CCL17: variants seen among roughly 807,000 people sequenced by gnomAD.
CCL17 encodes C-C motif chemokine ligand 17, also known as C-C motif chemokine 17.
A neutral mutation model predicts 7.4 loss-of-function variants in CCL17; 8 were observed. That is an observed-to-expected ratio of 1.09 (90% CI 0.64 to 1.96). CCL17 has a LOEUF of 1.96. CCL17 is among the 30% of genes most tolerant of loss of function. CCL17 has a pLI of 0.00. For synonymous variants in CCL17, 40 were observed against 46.1 expected, an observed-to-expected ratio of 0.87 and a Z score of 0.54; for missense variants, 102 against 113.0, an observed-to-expected ratio of 0.90 and a Z score of 0.44.
chr16:57,408,263 C>T (rs1456124241), intron 1 of CCL17, among the ~76,000 whole-genome samples: 1 of 151,938 alleles, frequency 6.6e-6, no homozygotes, highest in Non-Finnish European at 1.5e-5. Context: ...CATCCACCTT[C>T]CAGCCACTCA....
chr16:57,414,950 A>T, intron 2 of CCL17, 131 bp from the exon 3 acceptor site: 1 of 707,392 alleles, frequency 1.4e-6, no homozygotes. Flanking sequence ...GCAGTGATAC[A>T]CATGCAGTCA....
chr16:57,400,952 G>C (rs1902583192), upstream of CCL17, among the ~76,000 whole-genome samples: 2 of 151,072 alleles, frequency 1.3e-5, no homozygotes, highest in African/African-American at 4.9e-5. Flanking sequence ...TGGGTGACAA[G>C]AGCGAGACCC....
intron 1 of CCL17, among the ~76,000 whole-genome samples, chr16:57,411,028 CT>C (rs1902776421): frequency 1.3e-5 from 2 of 152,344 alleles, no homozygotes; most frequent in Admixed American, 6.5e-5. Flanking sequence ...ATTCCCCTCT[CT>C]GCACCTTTGC....
chr16:57,400,352 C>A (rs535391180), upstream of CCL17, among the ~76,000 whole-genome samples: 18 of 151,784 alleles, frequency 1.2e-4, no homozygotes, highest in African/African-American at 4.1e-4. Flanking sequence ...GAGCGAGACT[C>A]CGTCTCAAAA....
At chr16:57,401,540 GA>G (rs1404942961), upstream of CCL17, among the ~76,000 whole-genome samples, 4 of 149,120 alleles carry the variant, frequency 2.7e-5, no homozygotes, top group African/African-American at 4.9e-5. Flanking sequence ...AAAAAAAAAA[GA>G]AAAAAAGAAA....
At chr16:57,407,838 A>G (rs547182988) in intron 1 of CCL17, among the ~76,000 whole-genome samples, 1 of 151,420 alleles carries the variant, frequency 6.6e-6, no homozygotes, top group African/African-American at 2.4e-5. Flanking sequence ...TCATTCATTC[A>G]TCTACCCATC....
chr16:57,411,782 G>C (rs1197136228), intron 1 of CCL17, among the ~76,000 whole-genome samples: 5 of 152,242 alleles, frequency 3.3e-5, no homozygotes, highest in Admixed American at 3.3e-4. Context: ...CTGTCTCCAG[G>C]TCAGGGCTGC....
At chr16:57,403,522 ATATGTT>A (rs1902640959), upstream of CCL17, among the ~76,000 whole-genome samples, 4 of 31,366 alleles carry the variant, frequency 1.3e-4, no homozygotes, top group African/African-American at 7.6e-4. Flanking sequence ...TATATTATAT[ATATGTT>A]ATATATATTA....
rs1206321544 is a variant in CCL17 at position 57,404,855 on chromosome 16, T to C, written c.-60+19T>C. On this transcript the variant is annotated intron_variant, in intron 1 of 3. Coordinates refer to ENST00000219244, the MANE Select transcript of CCL17 (RefSeq NM_002987.3). ...AAACCAGGTGACCTGACCTAGAGTCTTTGCTCCTAACCCCTCCACTGTGAG... is the reference window on the plus strand; with the variant it reads ...AAACCAGGTGACCTGACCTAGAGTCCTTGCTCCTAACCCCTCCACTGTGAG... The C allele has an allele frequency of 2.6e-5, 4 of 154,354 alleles. No homozygotes were observed. Among genetic ancestry groups the C allele is most frequent in the East Asian group, 3.9e-4 (2 of 5,190 alleles). The allele number at this position is 154,354 out of a possible 1,614,324, so 9.6% of individuals were successfully genotyped here.
upstream of CCL17, among the ~76,000 whole-genome samples, chr16:57,403,563 A>ATATATTTATAATATATATT (rs1265164265): frequency 0.049 from 2,056 of 42,368 alleles, 181 homozygotes; most frequent in African/African-American, 0.14. Context: ...ATATATATAT[A>ATATATTTATAATATATATT]ATATATATTT....
intron 1 of CCL17, 28 bp from the exon 2 acceptor site, chr16:57,413,846 G>T: frequency 8.3e-7 from 1 of 1,198,502 alleles, no homozygotes; most frequent in Non-Finnish European, 1.2e-6. Flanking sequence ...AGGTTAAATA[G>T]GTCACTGCCA....
intron 1 of CCL17, among the ~76,000 whole-genome samples, chr16:57,405,743 T>G (rs1902684490): frequency 6.6e-6 from 1 of 151,244 alleles, no homozygotes; most frequent in Non-Finnish European, 1.5e-5. Flanking sequence ...ATTTAAGAAG[T>G]ATTTATCAGG....
At chr16:57,414,689 G>A (rs1004573713) in intron 2 of CCL17, among the ~76,000 whole-genome samples, 4 of 152,030 alleles carry the variant, frequency 2.6e-5, no homozygotes, top group Non-Finnish European at 2.9e-5. Context: ...GAGCCACGGC[G>A]CCCAGACTGA....
chr16:57,414,666 G>A (rs1902839332), intron 2 of CCL17, among the ~76,000 whole-genome samples: 1 of 151,900 alleles, frequency 6.6e-6, no homozygotes, highest in Non-Finnish European at 1.5e-5. Flanking sequence ...CAAAGTGCTG[G>A]GATTACAGGC....
At chr16:57,413,603 C>T (rs1272862825) in intron 1 of CCL17, among the ~76,000 whole-genome samples, 1 of 152,194 alleles carries the variant, frequency 6.6e-6, no homozygotes, top group Non-Finnish European at 1.5e-5. Context: ...GGAGGCTTTT[C>T]AATTCTAATA....
At position 57,414,410 on chromosome 16, in the gene CCL17, CTTTT is replaced by C. The variant is rs71152269; in HGVS notation, c.70+431_70+434del. Among the ~76,000 whole-genome samples the C allele has an allele frequency of 6.6e-5, 5 of 75,994 alleles. 1 individual carries two copies. In the South Asian group the frequency reaches 1.9e-3, roughly 29 times the overall value. 49.9% of individuals were successfully genotyped at this position (75,994 alleles called of 152,430 possible). ...TTCCAAGAGCATGTAAAAAAGGATT[CTTTT>C]TTTTTTTTTTTTTTTTTTTTTTGAG... is the stretch of plus-strand genomic sequence containing the variant. On this transcript the variant is annotated intron_variant, in intron 2 of 3. Transcript: ENST00000219244.
At chr16:57,401,773 C>A (rs556463149), upstream of CCL17, among the ~76,000 whole-genome samples, 2 of 152,052 alleles carry the variant, frequency 1.3e-5, no homozygotes, top group African/African-American at 4.8e-5. Flanking sequence ...CTACCCAGGC[C>A]CCACTCCTTT....
rs531751640 is a variant in CCL17 at position 57,415,974 on chromosome 16, C to T, written c.*113C>T. The T allele has an allele frequency of 3.6e-5, 24 of 670,340 alleles. No individual in the cohort carries two copies. The African/African-American group carries it at 3.6e-4, about 10-fold the overall frequency. The allele number at this position is 670,340 out of a possible 1,614,324, so 41.5% of individuals were successfully genotyped here. On this transcript the variant is annotated 3_prime_UTR_variant, in exon 4 of 4. Transcript: ENST00000219244. The surrounding 1 kb of genome is among the most constrained non-coding windows in gnomAD (Gnocchi z 4.5). Reference sequence around the variant, plus strand: ...GGGTCCAGGGGAGGCCTTCCAGGGACGAAGAAGAGCCACAGTGAGGGAGAT... The same window carrying T: ...GGGTCCAGGGGAGGCCTTCCAGGGATGAAGAAGAGCCACAGTGAGGGAGAT...
intron 1 of CCL17, among the ~76,000 whole-genome samples, chr16:57,411,852 G>T (rs1247209163): frequency 6.6e-6 from 1 of 152,248 alleles, no homozygotes; most frequent in African/African-American, 2.4e-5. Context: ...GACTCTGCGG[G>T]GAGCTACTCT....
Sources: allele counts gnomAD v4.1 joint callset (sites outside exome capture counted in the v4.1 genomes callset), GRCh38; gene constraint gnomAD v4.1.1; non-coding constraint Gnocchi (gnomAD v3.1); transcripts MANE v1.5; gene names NCBI Gene and HGNC (gene_info 2026-07-23, HGNC 2026-07-21).